The following GRSF1 variants were observed in gnomAD, a reference collection of about 807,000 sequenced individuals.
GRSF1 encodes the protein G-rich sequence factor 1.
A neutral mutation model predicts 51.1 loss-of-function variants in GRSF1; 50 were observed. The observed-to-expected ratio is 0.98, with a 90% CI of 0.78 to 1.24. The LOEUF is 1.24. Ranked by LOEUF, GRSF1 falls within the 50% of genes most tolerant of loss-of-function variation. The probability of loss-of-function intolerance (pLI) is 0.00; values close to 1 mark genes in which losing one functional copy is unlikely to be tolerated. For synonymous variants in GRSF1, 293 were observed against 253.3 expected (o/e 1.16, Z -1.49); for missense variants, 700 against 639.7 (o/e 1.09, Z -1.02).
In GRSF1 at chr4:70,839,833, C is replaced by A; in HGVS notation, c.-6G>T. On this transcript the variant is annotated 5_prime_UTR_variant, in exon 1 of 10. Transcript: ENST00000254799. ...ACCCAGCGCGTGCCGGCCATGGACT[C>A]CGGAGGCGGCGCAGGGCCTGAAGGC... 1 of 1,488,732 alleles carries A rather than the reference C, an allele frequency of 6.7e-7. No homozygotes were observed. The highest frequency in any genetic ancestry group is 1.3e-5 in the South Asian group (1 of 79,934). 92.2% of individuals were successfully genotyped at this position (1,488,732 alleles called of 1,614,324 possible). A position where few individuals can be genotyped will look rare whatever the true frequency, so the allele number is the denominator to read the frequency against.
intron 3 of GRSF1, 39 bp from the exon 4 acceptor site, chr4:70,832,489 T>A (rs527528301): frequency 3.0e-6 from 4 of 1,313,982 alleles, no homozygotes; most frequent in Non-Finnish European, 4.3e-6. Flanking sequence ...AAAATTTACA[T>A]AACAAAGGAA....
At chr4:70,825,861 G>A (rs1301346428) in intron 7 of GRSF1, 10 of 348,668 alleles carry the variant, frequency 2.9e-5, no homozygotes, top group Non-Finnish European at 5.2e-5. Flanking sequence ...GAACCCGGGA[G>A]GCAGAGGTTG....
chr4:70,827,259 G>C (rs552303464), intron 6 of GRSF1, among the ~76,000 whole-genome samples: 1 of 149,008 alleles, frequency 6.7e-6, no homozygotes, highest in South Asian at 2.2e-4. Context: ...CTGCACTCCA[G>C]CCTGGGCAAC....
chr4:70,821,282 G>T (rs940415279), intron 9 of GRSF1, among the ~76,000 whole-genome samples: 1 of 152,060 alleles, frequency 6.6e-6, no homozygotes, highest in Non-Finnish European at 1.5e-5. Flanking sequence ...AAAATTAGCC[G>T]GGTGTGGTGG....
In GRSF1 at chr4:70,824,307, G is replaced by T; in HGVS notation, c.*12C>A. On this transcript the variant is annotated 3_prime_UTR_variant, in exon 9 of 10. Transcript: ENST00000254799. ...TCTTAAATTTACCTTATTATCTGGA[G>T]CCCCTAGAGTCTTATTTTCCTTTTG... The T allele has an allele frequency of 2.9e-6, 4 of 1,359,334 alleles. No homozygotes were observed. Among genetic ancestry groups the T allele is most frequent in the Non-Finnish European group, 3.1e-6 (3 of 961,480 alleles). The allele number at this position is 1,359,334 out of a possible 1,614,324, so 84.2% of individuals were successfully genotyped here.
chr4:70,839,236 A>G, intron 1 of GRSF1: 1 of 1,462,528 alleles, frequency 6.8e-7, no homozygotes, highest in Non-Finnish European at 9.1e-7. Flanking sequence ...ACACTGCCCA[A>G]CCGACCAGAG....
chr4:70,834,789 T>C (rs1734125349), intron 2 of GRSF1, among the ~76,000 whole-genome samples: 2 of 151,898 alleles, frequency 1.3e-5, no homozygotes, highest in African/African-American at 2.4e-5. Context: ...GCCCGGCTAA[T>C]TTTTTTTGTA....
chr4:70,833,887 T>C (rs1560601119), intron 2 of GRSF1, among the ~76,000 whole-genome samples: 2 of 152,094 alleles, frequency 1.3e-5, no homozygotes. Flanking sequence ...GCCAAGTGGC[T>C]TTAAAAAAAA....
rs919903399 is a variant in GRSF1 at position 70,819,633 on chromosome 4, C to T, written c.*1254G>A. ...TGTATTAAGTAAGAGAAGACATAGT[C>T]TCTCTTCCAGGTATCACCTGTCAGA... is the stretch of plus-strand genomic sequence containing the variant. On this transcript the variant is annotated 3_prime_UTR_variant, in exon 10 of 10. Transcript: ENST00000254799. The T allele has an allele frequency of 6.6e-6, 1 of 152,592 alleles. No homozygotes were observed. Among genetic ancestry groups the T allele is most frequent in the African/African-American group, 2.4e-5 (1 of 41,424 alleles). The allele number at this position is 152,592 out of a possible 1,614,324, so 9.5% of individuals were successfully genotyped here. A position where few individuals can be genotyped will look rare whatever the true frequency, so the allele number is the denominator to read the frequency against.
chr4:70,836,833 AAGAT>A (rs1044439274), intron 1 of GRSF1, among the ~76,000 whole-genome samples: 4 of 152,210 alleles, frequency 2.6e-5, no homozygotes, highest in African/African-American at 9.6e-5. Context: ...GAGGATATAA[AAGAT>A]AGGGTATTCC....
intron 1 of GRSF1, chr4:70,838,854 A>G (rs1240536527): frequency 2.1e-5 from 5 of 234,604 alleles, no homozygotes; most frequent in Non-Finnish European, 3.4e-5. Context: ...GAGGCGACAC[A>G]CAGTCCTTAA....
At chr4:70,840,483 C>T (rs1299763148), upstream of GRSF1, among the ~76,000 whole-genome samples, 1 of 152,094 alleles carries the variant, frequency 6.6e-6, no homozygotes, top group Non-Finnish European at 1.5e-5. Context: ...AAAATTAGGT[C>T]GGACGCGGTG....
At chr4:70,825,814 C>T (rs2148837825) in intron 7 of GRSF1, 1 of 301,168 alleles carries the variant, frequency 3.3e-6, no homozygotes, top group Non-Finnish European at 6.2e-6. Flanking sequence ...TGCCTGTAAT[C>T]CCAGCTACTC....
intron 9 of GRSF1, among the ~76,000 whole-genome samples, chr4:70,822,575 T>C (rs1237474772): frequency 3.4e-5 from 4 of 116,376 alleles, no homozygotes; most frequent in African/African-American, 1.5e-4. Context: ...AAGAGTGAGA[T>C]TTCATATCAA....
At chr4:70,825,928 T>C (rs1482713930) in intron 7 of GRSF1, 196 bp downstream of exon 7, 2 of 511,716 alleles carry the variant, frequency 3.9e-6, no homozygotes, top group African/African-American at 4.2e-5. Context: ...CGAGACTCTG[T>C]CACAAAAAAA....
intron 3 of GRSF1, among the ~76,000 whole-genome samples, 173 bp downstream of exon 3, chr4:70,832,945 C>CT (rs1734044756): frequency 6.6e-6 from 1 of 151,878 alleles, no homozygotes; most frequent in South Asian, 2.1e-4. Context: ...GAGATTCCAT[C>CT]CCCCCCACAA....
At chr4:70,838,570 T>C (rs967657973) in intron 1 of GRSF1, among the ~76,000 whole-genome samples, 3 of 152,112 alleles carry the variant, frequency 2.0e-5, no homozygotes, top group African/African-American at 4.8e-5. Flanking sequence ...TGAATTAAGA[T>C]AAATATGACC....
At chr4:70,835,257 C>T (rs1425523744) in intron 2 of GRSF1, among the ~76,000 whole-genome samples, 2 of 151,074 alleles carry the variant, frequency 1.3e-5, no homozygotes, top group African/African-American at 4.8e-5. Flanking sequence ...TCCTGGCTAA[C>T]ACGGTGAAAC....
chr4:70,842,167 GT>G (rs1734472921), upstream of GRSF1, among the ~76,000 whole-genome samples: 4 of 152,282 alleles, frequency 2.6e-5, no homozygotes, highest in South Asian at 6.2e-4. Flanking sequence ...GGTCAGGCTG[GT>G]TTTTGTTTCC....
Sources: allele counts gnomAD v4.1 joint callset (sites outside exome capture counted in the v4.1 genomes callset), GRCh38; gene constraint gnomAD v4.1.1; transcripts MANE v1.5; gene names NCBI Gene and HGNC (gene_info 2026-07-23, HGNC 2026-07-21).